Variants in PPARGC1A observed in about 807,000 individuals in gnomAD.
PPARGC1A encodes peroxisome proliferator-activated receptor gamma coactivator 1-alpha.
Under a neutral mutation model 88.7 loss-of-function variants are expected in PPARGC1A, and 25 were observed. The ratio of observed to expected loss-of-function variants is 0.28; its 90% CI spans 0.21 to 0.39. The LOEUF (loss-of-function observed/expected upper bound fraction) is 0.39. Ranked by LOEUF, PPARGC1A falls within the 10% of genes least tolerant of loss-of-function variation. The pLI is 1.00. For synonymous variants in PPARGC1A, 363 were observed against 355.6 expected, an observed-to-expected ratio of 1.02 and a Z score of -0.24; for missense variants, 880 against 968.7, an observed-to-expected ratio of 0.91 and a Z score of 1.22.
chr4:24,096,371 T>A, the PPARGC1A span, among the ~76,000 whole-genome samples: 1 of 152,170 alleles, frequency 6.6e-6, no homozygotes, highest in South Asian at 2.1e-4. Context: ...AGGCATGAAA[T>A]AGATTCTCTC....
the PPARGC1A span, among the ~76,000 whole-genome samples, chr4:24,049,836 C>T: frequency 6.6e-6 from 1 of 152,132 alleles, no homozygotes; most frequent in Non-Finnish European, 1.5e-5. Flanking sequence ...GTCAGTGCCA[C>T]CTAGGAATTC....
the PPARGC1A span, among the ~76,000 whole-genome samples, chr4:23,989,704 A>T: frequency 1.3e-5 from 2 of 151,984 alleles, no homozygotes; most frequent in Non-Finnish European, 2.9e-5. Flanking sequence ...TAAATGAATG[A>T]GCAAATGAAT....
chr4:24,081,634 AG>A, the PPARGC1A span, among the ~76,000 whole-genome samples: 1 of 152,248 alleles, frequency 6.6e-6, no homozygotes, highest in African/African-American at 2.4e-5. Context: ...ATTACATAAA[AG>A]TTTTCAGCTT....
chr4:24,065,380 C>A, the PPARGC1A span, among the ~76,000 whole-genome samples: 5 of 152,116 alleles, frequency 3.3e-5, no homozygotes, highest in African/African-American at 1.2e-4. Flanking sequence ...ACATAATGAT[C>A]GTTAGGGGAT....
the PPARGC1A span, among the ~76,000 whole-genome samples, chr4:24,266,756 G>A: frequency 3.3e-5 from 5 of 152,056 alleles, no homozygotes; most frequent in South Asian, 2.1e-4. Flanking sequence ...CAACAGATGC[G>A]GAGGGAGCGC....
chr4:24,005,810 G>A, the PPARGC1A span, among the ~76,000 whole-genome samples: 3 of 152,126 alleles, frequency 2.0e-5, no homozygotes, highest in African/African-American at 7.2e-5. Context: ...AATCAAGGGA[G>A]GAACATGGGG....
At chr4:24,087,560 C>T in the PPARGC1A span, among the ~76,000 whole-genome samples, 1 of 152,256 alleles carries the variant, frequency 6.6e-6, no homozygotes, top group East Asian at 1.9e-4. Flanking sequence ...TGACGTGTCA[C>T]GAAGGATACA....
At chr4:23,976,842 C>A in the PPARGC1A span, among the ~76,000 whole-genome samples, 1 of 152,136 alleles carries the variant, frequency 6.6e-6, no homozygotes, top group African/African-American at 2.4e-5. Context: ...AAATAAATTT[C>A]TGCTGTTTAA....
At chr4:24,145,984 A>G in the PPARGC1A span, among the ~76,000 whole-genome samples, 2 of 152,180 alleles carry the variant, frequency 1.3e-5, no homozygotes, top group African/African-American at 4.8e-5. Context: ...GCCTAGAACA[A>G]CTATTGGGTA....
the PPARGC1A span, among the ~76,000 whole-genome samples, chr4:24,013,152 C>T: frequency 1.1e-4 from 16 of 152,250 alleles, no homozygotes; most frequent in Non-Finnish European, 2.1e-4. Context: ...ATAAGACGGA[C>T]GTGGCTCCTA....
chr4:24,155,482 T>C, the PPARGC1A span, among the ~76,000 whole-genome samples: 1 of 151,596 alleles, frequency 6.6e-6, no homozygotes, highest in East Asian at 2.0e-4. Flanking sequence ...GCACCTGTAG[T>C]CCCAGCTACT....
At chr4:24,289,298 C>G in the PPARGC1A span, among the ~76,000 whole-genome samples, 1 of 151,606 alleles carries the variant, frequency 6.6e-6, no homozygotes, top group African/African-American at 2.4e-5. Flanking sequence ...CCACTTAGCC[C>G]ATTATATTGC....
the PPARGC1A span, among the ~76,000 whole-genome samples, chr4:23,992,276 ACTAGT>A: frequency 2.8e-5 from 1 of 35,180 alleles, no homozygotes; most frequent in Non-Finnish European, 6.6e-5. Context: ...TAATATTATT[ACTAGT>A]CTATACTATT....
the PPARGC1A span, among the ~76,000 whole-genome samples, chr4:24,432,529 G>C: frequency 9.8e-5 from 15 of 152,324 alleles, no homozygotes; most frequent in Admixed American, 8.5e-4. Context: ...ATTTAGCGAT[G>C]CATAGAGCGC....
the PPARGC1A span, among the ~76,000 whole-genome samples, chr4:24,308,468 A>G: frequency 6.6e-6 from 1 of 152,158 alleles, no homozygotes; most frequent in Non-Finnish European, 1.5e-5. Flanking sequence ...TTTTCAATGT[A>G]TGTTGCACAG....
At chr4:24,043,728 T>C in the PPARGC1A span, among the ~76,000 whole-genome samples, 3 of 152,214 alleles carry the variant, frequency 2.0e-5, no homozygotes, top group Non-Finnish European at 4.4e-5. Context: ...TAAATAATGT[T>C]AGGTAACTAA....
the PPARGC1A span, among the ~76,000 whole-genome samples, chr4:23,964,880 T>G: frequency 3.9e-5 from 6 of 152,346 alleles, no homozygotes; most frequent in South Asian, 1.2e-3. Flanking sequence ...TGATTTAAAC[T>G]GTGTTTTTCT....
intron 1 of PPARGC1A, among the ~76,000 whole-genome samples, chr4:23,886,109 G>A (rs370355050): frequency 2.6e-4 from 40 of 152,236 alleles, no homozygotes; most frequent in African/African-American, 8.7e-4. Context: ...GAACAGTAAG[G>A]ACTTCATCCA....
the PPARGC1A span, among the ~76,000 whole-genome samples, chr4:24,099,992 G>C: frequency 7.8e-6 from 1 of 127,712 alleles, no homozygotes; most frequent in African/African-American, 2.9e-5. Context: ...GGAGGGGGGA[G>C]GGATAGCACT....
Sources: allele counts gnomAD v4.1 joint callset (sites outside exome capture counted in the v4.1 genomes callset), GRCh38; gene constraint gnomAD v4.1.1; transcripts MANE v1.5; gene names NCBI Gene and HGNC (gene_info 2026-07-23, HGNC 2026-07-21).